The following PLCXD3 variants were observed in gnomAD, a reference collection of about 807,000 sequenced individuals.
PLCXD3 encodes the protein phosphatidylinositol specific phospholipase C X domain containing 3, also known as PI-PLC X domain-containing protein 3.
A neutral mutation model predicts 25.5 loss-of-function variants in PLCXD3; 19 were observed. That is an observed-to-expected ratio of 0.75 (90% confidence interval 0.52 to 1.09). PLCXD3 has a LOEUF of 1.09. Among genes scored for constraint, PLCXD3 ranks in the 50% least tolerant of loss-of-function variants. The pLI is 0.00. For missense variants in PLCXD3, 411 were observed against 388.1 expected, an observed-to-expected ratio of 1.06 and a Z score of -0.50; for synonymous variants, 174 against 137.6, an observed-to-expected ratio of 1.26 and a Z score of -1.85.
At chr5:41,493,231 G>T (rs542070999) in intron 1 of PLCXD3, among the ~76,000 whole-genome samples, 1 of 152,294 alleles carries the variant, frequency 6.6e-6, no homozygotes, top group South Asian at 2.1e-4. Flanking sequence ...CAGCAGGGGT[G>T]GCTGCAGAAC....
At chr5:41,322,714 C>T (rs183669785) in intron 2 of PLCXD3, among the ~76,000 whole-genome samples, 7 of 152,138 alleles carry the variant, frequency 4.6e-5, no homozygotes, top group African/African-American at 9.7e-5. Flanking sequence ...TGGTGGCCCA[C>T]GCCTGTAATT....
intron 1 of PLCXD3, among the ~76,000 whole-genome samples, chr5:41,385,660 A>T (rs182034460): frequency 1.0e-3 from 156 of 152,178 alleles, no homozygotes; most frequent in Non-Finnish European, 1.7e-3. Context: ...TGAACCTATG[A>T]CCTGCTTCTA....
chr5:41,388,580 A>G (rs935407160), intron 1 of PLCXD3, among the ~76,000 whole-genome samples: 7 of 152,086 alleles, frequency 4.6e-5, no homozygotes, highest in Admixed American at 4.6e-4. Flanking sequence ...GCAGAGTTTA[A>G]TTATCCAAGC....
chr5:41,385,936 T>C (rs1412900895), intron 1 of PLCXD3, among the ~76,000 whole-genome samples: 1 of 152,106 alleles, frequency 6.6e-6, no homozygotes, highest in Admixed American at 6.6e-5. Flanking sequence ...GAGATCTTGA[T>C]TGCAGCCCTG....
chr5:41,420,212 C>T (rs147541178), intron 1 of PLCXD3, among the ~76,000 whole-genome samples: 114 of 152,214 alleles, frequency 7.5e-4, no homozygotes, highest in South Asian at 2.3e-3. Context: ...CAAGAAAGAA[C>T]TCCTAAATAT....
At chr5:41,316,094 A>T (rs1716799376) in intron 2 of PLCXD3, among the ~76,000 whole-genome samples, 1 of 152,136 alleles carries the variant, frequency 6.6e-6, no homozygotes, top group South Asian at 2.1e-4. Flanking sequence ...GTTTCAAAAG[A>T]GACCCCCTTC....
Position 41,312,911 on chromosome 5 carries a change from T to C in PLCXD3, c.*706A>G, listed in dbSNP as rs959214415. 3 of 152,582 alleles carry C rather than the reference T, an allele frequency of 2.0e-5. No homozygotes were observed. The highest frequency in any genetic ancestry group is 7.2e-5 in the African/African-American group (3 of 41,436). The allele number at this position is 152,582 out of a possible 1,614,324, so 9.5% of individuals were successfully genotyped here. On this transcript the variant is annotated 3_prime_UTR_variant, in exon 3 of 3. Transcript: ENST00000377801. ...CATCTCTTTCACCCCTCAACCATTT[T>C]TCCCTCTGAAATTGGCATTCACAGC...
intron 2 of PLCXD3, among the ~76,000 whole-genome samples, chr5:41,352,140 A>T (rs1477869856): frequency 6.6e-6 from 1 of 152,158 alleles, no homozygotes; most frequent in Non-Finnish European, 1.5e-5. Context: ...TGTTTCCTTT[A>T]TCAATAGAAA....
chr5:41,323,908 A>G (rs1378648478), intron 2 of PLCXD3, among the ~76,000 whole-genome samples: 2 of 152,156 alleles, frequency 1.3e-5, no homozygotes, highest in African/African-American at 4.8e-5. Flanking sequence ...CAAGCATGAT[A>G]AGTTCAGTCT....
At chr5:41,435,204 C>T (rs1747218466) in intron 1 of PLCXD3, among the ~76,000 whole-genome samples, 1 of 152,120 alleles carries the variant, frequency 6.6e-6, no homozygotes, top group Non-Finnish European at 1.5e-5. Context: ...GGGCATTTCT[C>T]CAATTCAAAA....
chr5:41,421,227 C>G (rs917696630), intron 1 of PLCXD3, among the ~76,000 whole-genome samples: 2 of 152,188 alleles, frequency 1.3e-5, no homozygotes, highest in Non-Finnish European at 1.5e-5. Context: ...GTTTGTGCAA[C>G]AGTTTTATAA....
intron 2 of PLCXD3, among the ~76,000 whole-genome samples, chr5:41,366,593 T>G (rs1018937242): frequency 6.6e-6 from 1 of 152,188 alleles, no homozygotes; most frequent in Non-Finnish European, 1.5e-5. Flanking sequence ...ACAACATGCA[T>G]CCACACACAC....
chr5:41,495,286 G>A (rs996903186), intron 1 of PLCXD3, among the ~76,000 whole-genome samples: 2 of 152,236 alleles, frequency 1.3e-5, no homozygotes, highest in African/African-American at 4.8e-5. Flanking sequence ...GTAGAAGAGA[G>A]CTAATGAGAC....
intron 1 of PLCXD3, among the ~76,000 whole-genome samples, chr5:41,439,754 G>T (rs1040079857): frequency 6.6e-6 from 1 of 152,156 alleles, no homozygotes; most frequent in Non-Finnish European, 1.5e-5. Context: ...CTCCAAAACT[G>T]ATAGTCCCCC....
chr5:41,450,501 C>T (rs375571170), intron 1 of PLCXD3, among the ~76,000 whole-genome samples: 38 of 152,190 alleles, frequency 2.5e-4, no homozygotes, highest in African/African-American at 9.1e-4. Context: ...GTCAGAGCTG[C>T]TTACAGTTTA....
chr5:41,399,097 A>G (rs994998073), intron 1 of PLCXD3, among the ~76,000 whole-genome samples: 1 of 152,198 alleles, frequency 6.6e-6, no homozygotes, highest in Non-Finnish European at 1.5e-5. Flanking sequence ...CCCATTTACA[A>G]TAGCCACACA....
chr5:41,379,175 C>G (rs557577076), intron 2 of PLCXD3, among the ~76,000 whole-genome samples: 17 of 152,156 alleles, frequency 1.1e-4, no homozygotes, highest in African/African-American at 3.9e-4. Context: ...AGTCAGTTCC[C>G]TGCCAGGCTC....
intron 2 of PLCXD3, among the ~76,000 whole-genome samples, chr5:41,334,529 C>T (rs1743924615): frequency 6.6e-6 from 1 of 152,090 alleles, no homozygotes; most frequent in South Asian, 2.1e-4. Context: ...TGGAAAATTC[C>T]AAGCCCTCAG....
intron 2 of PLCXD3, among the ~76,000 whole-genome samples, chr5:41,348,197 T>A (rs977215262): frequency 6.6e-6 from 1 of 152,216 alleles, no homozygotes; most frequent in Non-Finnish European, 1.5e-5. Flanking sequence ...GATGCTATTT[T>A]CAAAACAAGG....
Sources: allele counts gnomAD v4.1 joint callset (sites outside exome capture counted in the v4.1 genomes callset), GRCh38; gene constraint gnomAD v4.1.1; transcripts MANE v1.5; gene names NCBI Gene and HGNC (gene_info 2026-07-23, HGNC 2026-07-21).